Variants in MTF1 observed in about 807,000 individuals in gnomAD.
MTF1 encodes the protein MRE-binding transcription factor.
In MTF1, 22 loss-of-function variants were observed where a neutral mutation model predicts 70.4. That is an observed-to-expected ratio of 0.31 (90% CI 0.22 to 0.45). The LOEUF (loss-of-function observed/expected upper bound fraction) is 0.45. MTF1 is among the 20% of genes least tolerant of loss of function. The pLI is 1.00. For missense variants in MTF1, 649 were observed against 922.0 expected (o/e 0.70, Z 3.83); for synonymous variants, 333 against 352.8 (o/e 0.94, Z 0.63).
At chr1:37,842,988 C>T (rs1194101427) in intron 2 of MTF1, among the ~76,000 whole-genome samples, 2 of 152,104 alleles carry the variant, frequency 1.3e-5, no homozygotes, top group Non-Finnish European at 2.9e-5. Flanking sequence ...TGAAGTACGG[C>T]AGCACAAGTG....
chr1:37,828,548 G>A (rs1452705560), intron 7 of MTF1, among the ~76,000 whole-genome samples: 1 of 152,070 alleles, frequency 6.6e-6, no homozygotes, highest in African/African-American at 2.4e-5. Context: ...CAGGTGATCC[G>A]CCTACCTCAG....
intron 7 of MTF1, 59 bp downstream of exon 7, chr1:37,832,186 A>C (rs1641096990): frequency 8.8e-7 from 1 of 1,131,980 alleles, no homozygotes; most frequent in African/African-American, 1.5e-5. Flanking sequence ...TTTCCCACCA[A>C]AGGGAGTGCT....
At chr1:37,838,803 T>G (rs1326145188) in intron 3 of MTF1, 47 bp from the exon 4 acceptor site, 3 of 1,170,266 alleles carry the variant, frequency 2.6e-6, no homozygotes, top group Middle Eastern at 2.7e-4. Flanking sequence ...AATTCTTTTT[T>G]TTTTTTTTTT....
At chr1:37,823,931 A>G (rs1640962436) in intron 7 of MTF1, 119 bp from the exon 8 acceptor site, 2 of 700,076 alleles carry the variant, frequency 2.9e-6, no homozygotes, top group Non-Finnish European at 4.9e-6. Flanking sequence ...TTTTGTTTCT[A>G]CCTTCTGCTA....
chr1:37,835,791 C>G (rs372501997), intron 4 of MTF1, 47 bp from the exon 5 acceptor site: 24 of 1,445,514 alleles, frequency 1.7e-5, no homozygotes, highest in Non-Finnish European at 2.3e-5. Flanking sequence ...GCTAATAGAT[C>G]TTTATCCTGA....
At chr1:37,824,576 T>C (rs1640972290) in intron 7 of MTF1, among the ~76,000 whole-genome samples, 1 of 152,126 alleles carries the variant, frequency 6.6e-6, no homozygotes, top group African/African-American at 2.4e-5. Flanking sequence ...CAGGCGCCTG[T>C]AATCCCAGCT....
intron 7 of MTF1, among the ~76,000 whole-genome samples, chr1:37,827,091 A>G (rs1398030229): frequency 6.6e-6 from 1 of 152,168 alleles, no homozygotes; most frequent in Non-Finnish European, 1.5e-5. Flanking sequence ...TACATTTTAC[A>G]CTGTATATAC....
Position 37,857,432 on chromosome 1 carries a change from C to T in MTF1, c.227G>A (p.Gly76Glu). The T allele has an allele frequency of 1.2e-6, 2 of 1,614,154 alleles. No individual in the cohort carries two copies. The highest frequency in any genetic ancestry group is 1.7e-6 in the Non-Finnish European group (2 of 1,180,032). ...TATCAGGTGAAAGCCCTCTTCACCC[C>T]CTACTAGAAAAGGCAAGTGTTCTCC... The part of the protein sequence containing the change: ...QCGEHLPFLV[G>E]GEEGFHLIDH... Residue 76 changes from glycine (G) to glutamate (E), a missense_variant, in exon 2 of 11, where the codon GGG becomes GAG. Gly to Glu is a moderately conservative substitution (Grantham distance 98). Around this residue, in one of 7 missense-constraint regions of MTF1, gnomAD observed 44 missense variants for 38.1 expected, o/e 1.15. Transcript: ENST00000373036.
In MTF1 at chr1:37,811,503, T is replaced by C. The variant is rs1189055805; in HGVS notation, c.*3633A>G. The C allele has an allele frequency of 6.6e-6, 1 of 152,614 alleles. No homozygotes were observed. Among genetic ancestry groups the C allele is most frequent in the Non-Finnish European group, 1.5e-5 (1 of 68,038 alleles). The allele number at this position is 152,614 out of a possible 1,614,324, so 9.5% of individuals were successfully genotyped here. On this transcript the variant is annotated 3_prime_UTR_variant, in exon 11 of 11. Coordinates refer to ENST00000373036, the MANE Select transcript of MTF1 (RefSeq NM_005955.3). The stretch of plus-strand genomic sequence containing the variant: ...TGTGGAAAGTATATATATGTATATA[T>C]ACACACAAAAGAAATTGCAGCAATC...
chr1:37,825,016 G>A (rs1455496610), intron 7 of MTF1, among the ~76,000 whole-genome samples: 2 of 152,046 alleles, frequency 1.3e-5, no homozygotes, highest in Non-Finnish European at 1.5e-5. Flanking sequence ...TTCTATCCAT[G>A]GTCAACCTCC....
intron 7 of MTF1, among the ~76,000 whole-genome samples, chr1:37,828,721 A>G (rs1269253299): frequency 6.6e-6 from 1 of 152,210 alleles, no homozygotes; most frequent in African/African-American, 2.4e-5. Flanking sequence ...TACCTCAATA[A>G]AAAGCTTGTT....
rs1243435777 is a variant in MTF1, at chr1:37,814,841, T to C, written c.*295A>G. ...CATTTAGAATTTTTATGCACACGAG[T>C]AACCTTAGTTTCCAAGTTCACATGA... On this transcript the variant is annotated 3_prime_UTR_variant, in exon 11 of 11. Coordinates refer to ENST00000373036, the MANE Select transcript of MTF1 (RefSeq NM_005955.3). 8.8e-6 allele frequency: 3 copies of C among 341,226 alleles called. No homozygotes were observed. Among genetic ancestry groups the C allele is most frequent in the Non-Finnish European group, 1.6e-5 (3 of 185,336 alleles). 21.1% of individuals were successfully genotyped at this position (341,226 alleles called of 1,614,324 possible).
At chr1:37,844,228 C>T (rs533969886) in intron 2 of MTF1, among the ~76,000 whole-genome samples, 1 of 152,312 alleles carries the variant, frequency 6.6e-6, no homozygotes, top group Middle Eastern at 3.4e-3. Context: ...TCTGTCTAGG[C>T]CTATAAGCAA....
chr1:37,857,743 C>T (rs549366398), intron 1 of MTF1, 34 bp from the exon 2 acceptor site: 96 of 1,380,974 alleles, frequency 7.0e-5, no homozygotes, highest in Non-Finnish European at 9.2e-5. Flanking sequence ...TAGAGTCATA[C>T]CACAAGACCG....
At chr1:37,839,797 G>T in intron 3 of MTF1, 123 bp downstream of exon 3, 1 of 755,946 alleles carries the variant, frequency 1.3e-6, no homozygotes, top group Non-Finnish European at 2.2e-6. Flanking sequence ...TTACGTAGTT[G>T]AACACAGCTG....
chr1:37,847,183 C>T (rs538463528), intron 2 of MTF1, among the ~76,000 whole-genome samples: 2 of 152,336 alleles, frequency 1.3e-5, no homozygotes, highest in East Asian at 3.9e-4. Flanking sequence ...AGAACAAGTA[C>T]TGCTGTCCCT....
At position 37,823,726 on chromosome 1, in the gene MTF1, T is replaced by C. The variant is rs1174955082; in HGVS notation, c.1155A>G (p.Glu385=). ...FQNSDDTAIQ[E]DPQQTASLTE... is the part of the protein sequence containing the mutation. The stretch of plus-strand genomic sequence containing the variant: ...GTGACAAACCTGTCTGTTGAGGATC[T>C]TCCTGAATTGCCGTATCATCTGAAT... The change falls in exon 8 of 11, where the codon GAA becomes GAG. Residue 385 remains glutamate (E), a synonymous_variant. Transcript: ENST00000373036. 2.5e-5 allele frequency: 40 copies of C among 1,613,642 alleles called. No individual in the cohort carries two copies. Among genetic ancestry groups the C allele is most frequent in the Non-Finnish European group, 3.4e-5 (40 of 1,179,662 alleles).
At chr1:37,829,694 A>G (rs1354257864) in intron 7 of MTF1, among the ~76,000 whole-genome samples, 1 of 151,886 alleles carries the variant, frequency 6.6e-6, no homozygotes, top group African/African-American at 2.4e-5. Flanking sequence ...CTGAGGCAGG[A>G]GAATGGCGTG....
Position 37,839,917 on chromosome 1 carries a change from G to T in MTF1, c.647+3C>A. 1.2e-6 allele frequency: 2 copies of T among 1,611,718 alleles called. No individual in the cohort carries two copies. Among genetic ancestry groups the T allele is most frequent in the South Asian group, 2.2e-5 (2 of 90,978 alleles). ...CTGGCAGAGCATTGGAGACGAGACT[G>T]ACCTGTACAGTGTGTTGAATGCCTT... On this transcript the variant is annotated splice_donor_region_variant and intron_variant, in intron 3 of 10. Transcript: ENST00000373036.
Sources: allele counts gnomAD v4.1 joint callset (sites outside exome capture counted in the v4.1 genomes callset), GRCh38; gene constraint gnomAD v4.1.1; regional missense constraint gnomAD v4.1.1; transcripts MANE v1.5; gene names NCBI Gene and HGNC (gene_info 2026-07-23, HGNC 2026-07-21).